The following RNF40 variants were observed in gnomAD, a reference collection of about 807,000 sequenced individuals.
The protein encoded by RNF40 is ring finger protein 40.
In RNF40, 39 loss-of-function variants were observed where a neutral mutation model predicts 123.3. The observed-to-expected ratio is 0.32, with a 90% CI of 0.24 to 0.41. The LOEUF (loss-of-function observed/expected upper bound fraction) is 0.41. Ranked by LOEUF, RNF40 falls within the 10% of genes least tolerant of loss-of-function variation. The pLI, the probability that RNF40 is intolerant of heterozygous loss-of-function variation, is 1.00. For missense variants in RNF40, 1,003 were observed against 1,319.9 expected (o/e 0.76, Z 3.72); for synonymous variants, 538 against 526.0 (o/e 1.02, Z -0.31).
chr16:30,769,391 A>G lies in RNF40; in HGVS notation c.2453A>G (p.Lys818Arg). 6.2e-7 allele frequency: 1 copy of G among 1,614,216 alleles called. No individual in the cohort carries two copies. Among genetic ancestry groups the G allele is most frequent in the South Asian group, 1.1e-5 (1 of 91,088 alleles). ...TTGGGCGAGCAGGTCCTTGGCCTCA[A>G]GTCCCAGGTATGGCCGCCGCCAGCT... is the stretch of plus-strand genomic sequence containing the variant. ...DELGEQVLGL[K>R]SQVDAQLLTV... The change falls in exon 16 of 20, where the codon AAG (lysine) becomes AGG (arginine). Residue 818 changes from lysine to arginine, a missense_variant. Transcript: ENST00000324685.
intron 17 of RNF40, among the ~76,000 whole-genome samples, chr16:30,770,038 G>A (rs1223099979): frequency 2.6e-5 from 4 of 151,586 alleles, no homozygotes; most frequent in African/African-American, 9.7e-5. Flanking sequence ...GGAGGTTGAG[G>A]CTGCAGTGAG....
chr16:30,762,586 G>C lies in RNF40; in HGVS notation c.41G>C (p.Gly14Ala), dbSNP rs760051386. The C allele has an allele frequency of 8.1e-6, 13 of 1,605,458 alleles. No individual in the cohort carries two copies. The highest frequency in any genetic ancestry group is 1.1e-5 in the Non-Finnish European group (13 of 1,178,208). Residue 14 changes from glycine (G) to alanine (A), a missense_variant, in exon 2 of 20, where the codon GGC becomes GCC. Physicochemically the swap from Gly to Ala is moderately conservative, Grantham distance 60. Coordinates refer to ENST00000324685, the MANE Select transcript of RNF40 (RefSeq NM_014771.4). ...AACAAACGCGCCGCCGGCGACGGGG[G>C]CTCAGGGCCCCCGGAAAAGAAGCTG... ...PGNKRAAGDGGSGPPEKKLSR... is the reference protein window; with the variant it reads ...PGNKRAAGDGASGPPEKKLSR...
At position 30,763,141 on chromosome 16, in the gene RNF40, A is replaced by G; in HGVS notation, c.156A>G (p.Leu52=). 1.9e-6 allele frequency: 3 copies of G among 1,613,980 alleles called. No homozygotes were observed. The highest frequency in any genetic ancestry group is 2.5e-6 in the Non-Finnish European group (3 of 1,180,044). The change falls in exon 3 of 20, where the codon CTA becomes CTG. Residue 52 remains leucine, a synonymous_variant. Transcript: ENST00000324685. ...SSTEEMDLKV[L]QFKNKKLAER... is the part of the protein sequence containing the mutation. ...AGGAGGAGATGGACCTGAAGGTACT[A>G]CAGTTCAAGAACAAGAAACTGGCAG...
rs1596741811 is a variant in RNF40 at position 30,763,708 on chromosome 16, A to G, written c.442+149A>G. 2.2e-5 allele frequency: 18 copies of G among 814,398 alleles called. No individual in the cohort carries two copies. In the East Asian group the frequency reaches 4.8e-4, roughly 22 times the overall value. The allele number at this position is 814,398 out of a possible 1,614,324, so 50.4% of individuals were successfully genotyped here. On this transcript the variant is annotated intron_variant, in intron 4 of 19. Coordinates refer to ENST00000324685, the MANE Select transcript of RNF40 (RefSeq NM_014771.4). ...TTTGGGCAGTAAAGTGCAGTGCACAAAAACACAGGCTTTAGACTCTGACTA... is the reference window on the plus strand; with the variant it reads ...TTTGGGCAGTAAAGTGCAGTGCACAGAAACACAGGCTTTAGACTCTGACTA...
chr16:30,764,910 G>A (rs1459194402), intron 5 of RNF40, 28 bp from the exon 6 acceptor site: 2 of 1,605,110 alleles, frequency 1.2e-6, no homozygotes, highest in Non-Finnish European at 8.5e-7. Context: ...CCCTGAGCTG[G>A]GCTCTTACCT....
chr16:30,770,661 C>T (rs926430263), intron 17 of RNF40, among the ~76,000 whole-genome samples: 4 of 152,202 alleles, frequency 2.6e-5, no homozygotes, highest in African/African-American at 9.7e-5. Flanking sequence ...TCCTCTGAAG[C>T]TGTTTTCTTC....
chr16:30,762,993 G>C (rs2053912580), intron 2 of RNF40, 125 bp from the exon 3 acceptor site: 1 of 1,070,422 alleles, frequency 9.3e-7, no homozygotes. Context: ...GATTCTGTTA[G>C]CGGTTAGTGT....
Position 30,775,844 on chromosome 16 carries a change from G to A in RNF40, c.*1730G>A, listed in dbSNP as rs2054226074. 6.6e-6 allele frequency: 1 copy of A among 152,264 alleles called. No individual in the cohort carries two copies. The highest frequency in any genetic ancestry group is 2.1e-4 in the South Asian group (1 of 4,836). The allele number at this position is 152,264 out of a possible 1,614,324, so 9.4% of individuals were successfully genotyped here. On this transcript the variant is annotated 3_prime_UTR_variant, in exon 20 of 20. Transcript: ENST00000324685. ...GCCTTCGGACCCTATTGGCGCCCGG[G>A]ACTTAAGCGGGGCCGCCGCTGCTGG...
At chr16:30,767,778 G>T in intron 11 of RNF40, 116 bp from the exon 12 acceptor site, 7 of 1,390,698 alleles carry the variant, frequency 5.0e-6, no homozygotes, top group Non-Finnish European at 7.1e-6. Flanking sequence ...CGTTGAGGCC[G>T]CAATGTTCCC....
chr16:30,769,673 C>G, intron 17 of RNF40, 73 bp downstream of exon 17: 10 of 1,439,864 alleles, frequency 6.9e-6, no homozygotes, highest in East Asian at 2.5e-5. Context: ...CTGCTCAGAG[C>G]ACCCGATGCA....
chr16:30,774,021 C>G lies in RNF40; in HGVS notation c.2913C>G (p.Cys971Trp). ...GCTTCCACGTTTTCTGCTTCGAGTG[C>G]GTGCGGGGCCGCTATGAGGCCCGCC... ...TKCFHVFCFE[C>W]VRGRYEARQR... Residue 971 changes from cysteine to tryptophan, a missense_variant, in exon 20 of 20, where the codon TGC becomes TGG. Physicochemically the swap from Cys to Trp is radical, Grantham distance 215. Transcript: ENST00000324685. 6.2e-7 allele frequency: 1 copy of G among 1,614,094 alleles called. No homozygotes were observed. The highest frequency in any genetic ancestry group is 8.5e-7 in the Non-Finnish European group (1 of 1,179,920).
rs1596767082 is a variant in RNF40 at position 30,774,459 on chromosome 16, C to A, written c.*345C>A. On this transcript the variant is annotated 3_prime_UTR_variant, in exon 20 of 20. Coordinates refer to ENST00000324685, the MANE Select transcript of RNF40 (RefSeq NM_014771.4). ...ATGCATCCTAACCCTAAGGAAAATTCCCCAGGCTGTGATCTACCCTAGAGA... is the reference window on the plus strand; with the variant it reads ...ATGCATCCTAACCCTAAGGAAAATTACCCAGGCTGTGATCTACCCTAGAGA... 1 of 247,144 alleles carries A rather than the reference C, an allele frequency of 4.0e-6. No individual in the cohort carries two copies. Among genetic ancestry groups the A allele is most frequent in the East Asian group, 8.9e-5 (1 of 11,230 alleles). The allele number at this position is 247,144 out of a possible 1,614,324, so 15.3% of individuals were successfully genotyped here. A position where few individuals can be genotyped will look rare whatever the true frequency, so the allele number is the denominator to read the frequency against.
At position 30,765,442 on chromosome 16, in the gene RNF40, T is replaced by C. The variant is rs1404777472; in HGVS notation, c.936T>C (p.Tyr312=). 2.5e-6 allele frequency: 4 copies of C among 1,614,116 alleles called. No individual in the cohort carries two copies. The highest frequency in any genetic ancestry group is 2.2e-5 in the South Asian group (2 of 91,092). ...EALEQLNSGY[Y]VSGSSSGFQG... ...CTCCACAGCTTAACTCTGGCTACTA[T>C]GTATCTGGGAGCTCCTCAGGCTTCC... The change falls in exon 8 of 20, where the codon TAT becomes TAC. Residue 312 remains tyrosine, a synonymous_variant. Coordinates refer to ENST00000324685, the MANE Select transcript of RNF40 (RefSeq NM_014771.4).
chr16:30,764,371 G>C lies in RNF40; in HGVS notation c.635G>C (p.Arg212Pro), dbSNP rs150302561. Residue 212 changes from arginine (R) to proline (P), a missense_variant, in exon 5 of 20, where the codon CGA becomes CCA. Physicochemically the swap from Arg to Pro is moderately radical, Grantham distance 103. Coordinates refer to ENST00000324685, the MANE Select transcript of RNF40 (RefSeq NM_014771.4). ...CGCCGGGTGGAGGAACTCTGTCAGC[G>C]AGTGTACAGCCGAGGTGGGTTCTTT... is the stretch of plus-strand genomic sequence containing the variant. ...LQRRVEELCQRVYSRGDSEPL... is the reference protein window; with the variant it reads ...LQRRVEELCQPVYSRGDSEPL... The C allele has an allele frequency of 1.2e-6, 2 of 1,612,988 alleles. No homozygotes were observed. Among genetic ancestry groups the C allele is most frequent in the Admixed American group, 3.3e-5 (2 of 59,974 alleles).
rs540701261 is a variant in RNF40 at position 30,762,349 on chromosome 16, A to C, written c.-83A>C. 20 of 548,738 alleles carry C rather than the reference A, an allele frequency of 3.6e-5. No individual in the cohort carries two copies. The East Asian group carries it at 6.2e-4, about 17-fold the overall frequency. The allele number at this position is 548,738 out of a possible 1,614,324, so 34.0% of individuals were successfully genotyped here. On this transcript the variant is annotated 5_prime_UTR_variant, in exon 1 of 20. The change abolishes the stop of an existing upstream ORF in the 5' untranslated region. Coordinates refer to ENST00000324685, the MANE Select transcript of RNF40 (RefSeq NM_014771.4). ...AATCCAAGATGGCGGCGCTAGGCTG[A>C]CCCTCCTGCTGGTGAGGGCTCTGGC...
chr16:30,772,354 G>C, intron 19 of RNF40, 164 bp downstream of exon 19: 2 of 713,120 alleles, frequency 2.8e-6, no homozygotes. Flanking sequence ...CATGTACTGT[G>C]AGCCAGGCAC....
Position 30,768,504 on chromosome 16 carries a change from C to A in RNF40, c.1953C>A (p.Leu651=). The A allele has an allele frequency of 6.2e-7, 1 of 1,610,180 alleles. No homozygotes were observed. Among genetic ancestry groups the A allele is most frequent in the South Asian group, 1.1e-5 (1 of 90,786 alleles). Residue 651 remains leucine (L), a synonymous_variant, in exon 13 of 20, where the codon CTC becomes CTA. Transcript: ENST00000324685. The surrounding 1 kb of genome is among the most constrained non-coding windows in gnomAD (Gnocchi z 4.1). ...AAACCAAGCGGAAGGAATCAGAACT[C>A]CTCAAGGGTCTCCGAGCAGAGCTCA... is the stretch of plus-strand genomic sequence containing the variant. The part of the protein sequence containing the change: ...VEETKRKESE[L]LKGLRAELKK...
In RNF40 at chr16:30,774,706, G is replaced by C. The variant is rs1180033884; in HGVS notation, c.*592G>C. ...CTCTTGGCAGATGGGGGCATCACTT[G>C]CTTCCTTTGGGAAGCTCTAAGGTTG... On this transcript the variant is annotated 3_prime_UTR_variant, in exon 20 of 20. Coordinates refer to ENST00000324685, the MANE Select transcript of RNF40 (RefSeq NM_014771.4). 6.2e-6 allele frequency: 2 copies of C among 324,974 alleles called. No individual in the cohort carries two copies. The highest frequency in any genetic ancestry group is 1.7e-4 in the East Asian group (2 of 11,506). 20.1% of individuals were successfully genotyped at this position (324,974 alleles called of 1,614,324 possible).
Position 30,768,832 on chromosome 16 carries a change from C to T in RNF40, c.2098-6C>T, listed in dbSNP as rs1567286304. 1.9e-6 allele frequency: 3 copies of T among 1,614,184 alleles called. No homozygotes were observed. The South Asian group carries it at 3.3e-5, about 18-fold the overall frequency. On this transcript the variant is annotated splice_region_variant and splice_polypyrimidine_tract_variant and intron_variant, in intron 14 of 19. Transcript: ENST00000324685. The surrounding 1 kb of genome is among the most constrained non-coding windows in gnomAD (Gnocchi z 4.1). The stretch of plus-strand genomic sequence containing the variant: ...TCAAGAGAGTTTCTTCTTCCCTGTG[C>T]TATAGGTTGATGAGCTGCGGAGCCG...
Sources: gnomAD v4.1 joint callset for allele counts (sites outside exome capture counted in the v4.1 genomes callset) on GRCh38, gnomAD v4.1.1 for gene constraint, Gnocchi (gnomAD v3.1) non-coding constraint, MANE v1.5 for transcripts, NCBI Gene and HGNC (gene_info 2026-07-23, HGNC 2026-07-21) for gene names.